The following MSRA variants were observed in gnomAD, a reference collection of about 807,000 sequenced individuals.
MSRA encodes methionine sulfoxide reductase A, also known as mitochondrial peptide methionine sulfoxide reductase.
In MSRA, 54 loss-of-function variants were observed where a neutral mutation model predicts 31.3. The observed-to-expected ratio is 1.73, with a 90% confidence interval of 1.39 to 2.17. The LOEUF (loss-of-function observed/expected upper bound fraction) is 2.17, where lower values mean the gene tolerates loss of function less well. MSRA is among the 30% of genes most tolerant of loss of function. The probability of loss-of-function intolerance (pLI) is 0.00; values close to 1 mark genes in which losing one functional copy is unlikely to be tolerated. For missense variants in MSRA, 507 were observed against 300.9 expected, an observed-to-expected ratio of 1.69 and a Z score of -5.07; for synonymous variants, 169 against 116.5, an observed-to-expected ratio of 1.45 and a Z score of -2.90.
At chr8:10,147,580 G>T (rs145738179) in intron 1 of MSRA, among the ~76,000 whole-genome samples, 1 of 152,210 alleles carries the variant, frequency 6.6e-6, no homozygotes, top group Non-Finnish European at 1.5e-5. Context: ...GGTAGAAGGG[G>T]TCACACAGGG....
intron 2 of MSRA, among the ~76,000 whole-genome samples, chr8:10,236,165 C>G (rs1379499462): frequency 6.6e-6 from 1 of 152,150 alleles, no homozygotes; most frequent in African/African-American, 2.4e-5. Flanking sequence ...TACAGTAAAT[C>G]TCATATTTAT....
intron 5 of MSRA, among the ~76,000 whole-genome samples, chr8:10,385,266 T>C (rs1221067224): frequency 6.6e-6 from 1 of 152,138 alleles, no homozygotes; most frequent in African/African-American, 2.4e-5. Flanking sequence ...GATGGGGAAC[T>C]CAATTCGATA....
intron 5 of MSRA, among the ~76,000 whole-genome samples, chr8:10,391,191 T>C (rs998566992): frequency 6.6e-5 from 10 of 152,228 alleles, no homozygotes; most frequent in African/African-American, 2.4e-4. Flanking sequence ...ATCTTCCCCT[T>C]AAATCTTTAA....
chr8:10,264,202 A>G (rs951040020), intron 3 of MSRA, among the ~76,000 whole-genome samples: 1 of 152,166 alleles, frequency 6.6e-6, no homozygotes, highest in South Asian at 2.1e-4. Flanking sequence ...TGCCTTCTCA[A>G]ACTCTACCTG....
At chr8:10,243,250 C>T (rs1331155750) in intron 2 of MSRA, among the ~76,000 whole-genome samples, 1 of 152,030 alleles carries the variant, frequency 6.6e-6, no homozygotes, top group African/African-American at 2.4e-5. Flanking sequence ...TCTGCAGACT[C>T]CTGAACTTTA....
chr8:10,323,193 A>G (rs939271408), intron 5 of MSRA, among the ~76,000 whole-genome samples: 1 of 152,074 alleles, frequency 6.6e-6, no homozygotes, highest in Non-Finnish European at 1.5e-5. Flanking sequence ...GCAGGACACT[A>G]CACTGGGCAC....
At position 10,219,340 on chromosome 8, in the gene MSRA, T is replaced by C. The variant is rs962201920; in HGVS notation, c.211+11439T>C. Among the ~76,000 whole-genome samples, 6 of 152,276 alleles carry C rather than the reference T, an allele frequency of 3.9e-5. No individual in the cohort carries two copies. The East Asian group carries it at 1.2e-3, about 29-fold the overall frequency. ...TTCTCACAGAAGGTGTAGGTAAAAC[T>C]GTTCGTGGTTATCACTGCCAAATTT... On this transcript the variant is annotated intron_variant, in intron 2 of 5. Coordinates refer to ENST00000317173, the MANE Select transcript of MSRA (RefSeq NM_012331.5).
chr8:10,124,403 C>T (rs1009795047), intron 1 of MSRA, among the ~76,000 whole-genome samples: 1 of 152,128 alleles, frequency 6.6e-6, no homozygotes, highest in African/African-American at 2.4e-5. Context: ...AAACCAGACC[C>T]GTTTTTCTGT....
intron 4 of MSRA, among the ~76,000 whole-genome samples, chr8:10,315,766 G>A (rs1049629124): frequency 2.0e-5 from 3 of 152,120 alleles, no homozygotes; most frequent in African/African-American, 4.8e-5. Flanking sequence ...TTACTATTTT[G>A]AACGTTTTCT....
rs552458522 is a variant in MSRA, at chr8:10,412,543, C to G, written c.544-15605C>G. ...CCAGAATCATGGGACAGGGGTTACG[C>G]GTTTGAAGCCAAAGCATAACTTTGG... On this transcript the variant is annotated intron_variant, in intron 5 of 5. Coordinates refer to ENST00000317173, the MANE Select transcript of MSRA (RefSeq NM_012331.5). Among the ~76,000 whole-genome samples, 33 of 152,246 alleles carry G rather than the reference C, an allele frequency of 2.2e-4. No homozygotes were observed. In the South Asian group the frequency reaches 6.9e-3, roughly 32 times the overall value.
At chr8:10,303,423 T>A (rs1419587615) in intron 4 of MSRA, among the ~76,000 whole-genome samples, 1 of 152,218 alleles carries the variant, frequency 6.6e-6, no homozygotes, top group African/African-American at 2.4e-5. Context: ...CACCTCTCTG[T>A]TCATCATTTG....
At position 10,085,544 on chromosome 8, in the gene MSRA, T is replaced by A. The variant is rs1284410161; in HGVS notation, c.142+30886T>A. On this transcript the variant is annotated intron_variant, in intron 1 of 5. Transcript: ENST00000317173. ...TCTCAATAGCCCCTTGAAGGCATGA[T>A]ACGGTACCTTGGATGGTTTCTATGT... is the stretch of plus-strand genomic sequence containing the variant. Among the ~76,000 whole-genome samples the A allele has an allele frequency of 2.0e-5, 3 of 152,242 alleles. No individual in the cohort carries two copies. In the East Asian group the frequency reaches 5.8e-4, roughly 29 times the overall value.
intron 3 of MSRA, among the ~76,000 whole-genome samples, chr8:10,292,631 G>C (rs4840474): frequency 0.71 from 108,422 of 152,200 alleles, 38,886 homozygotes; most frequent in African/African-American, 0.8. Flanking sequence ...CAGAATCGCA[G>C]TGGCCGGGCT....
intron 2 of MSRA, among the ~76,000 whole-genome samples, chr8:10,243,981 A>C (rs962374178): frequency 2.6e-5 from 4 of 152,186 alleles, no homozygotes; most frequent in African/African-American, 9.7e-5. Context: ...ACTTTATTCA[A>C]ATTACTTTTT....
intron 5 of MSRA, among the ~76,000 whole-genome samples, chr8:10,347,190 C>G (rs528794847): frequency 3.3e-5 from 5 of 152,198 alleles, no homozygotes; most frequent in Non-Finnish European, 7.4e-5. Context: ...TGTATCTTCC[C>G]TAGTCCCTTG....
At chr8:10,227,435 T>C (rs944428291) in intron 2 of MSRA, among the ~76,000 whole-genome samples, 3 of 152,114 alleles carry the variant, frequency 2.0e-5, no homozygotes, top group Non-Finnish European at 2.9e-5. Flanking sequence ...TGAACACTTG[T>C]TTGCTGTAAT....
chr8:10,266,734 GATTA>G (rs1297336588), intron 3 of MSRA, among the ~76,000 whole-genome samples: 5 of 151,898 alleles, frequency 3.3e-5, no homozygotes, highest in Non-Finnish European at 7.4e-5. Flanking sequence ...AATCCATTTT[GATTA>G]ATTTTTATAT....
At chr8:10,387,427 C>T (rs1806462613) in intron 5 of MSRA, among the ~76,000 whole-genome samples, 1 of 152,030 alleles carries the variant, frequency 6.6e-6, no homozygotes, top group East Asian at 1.9e-4. Context: ...TGCACGGGAG[C>T]CATACAAACT....
intron 1 of MSRA, among the ~76,000 whole-genome samples, chr8:10,205,052 T>C (rs552059912): frequency 1.2e-4 from 19 of 152,290 alleles, no homozygotes; most frequent in African/African-American, 3.9e-4. Context: ...GTTCTGACCA[T>C]GCAGGTGCTT....
Sources: allele counts gnomAD v4.1 joint callset (sites outside exome capture counted in the v4.1 genomes callset), GRCh38; gene constraint gnomAD v4.1.1; transcripts MANE v1.5; gene names NCBI Gene and HGNC (gene_info 2026-07-23, HGNC 2026-07-21).